COL6A3: variants seen among roughly 807,000 people sequenced by gnomAD.
COL6A3 encodes collagen alpha-3(VI) chain.
COL6A3 carries 137 observed loss-of-function variants against 274.1 expected under a neutral mutation model. The ratio of observed to expected loss-of-function variants is 0.50; its 90% CI spans 0.44 to 0.58. COL6A3 has a LOEUF of 0.58. COL6A3 is among the 20% of genes least tolerant of loss of function. The pLI is 0.00. For missense variants in COL6A3, 3,950 were observed against 4,124.9 expected (o/e 0.96, Z 1.16); for synonymous variants, 1,650 against 1,650.6 (o/e 1.00, Z 0.01).
Position 237,371,752 on chromosome 2 carries a change from C to A in COL6A3, c.4265G>T (p.Ser1422Ile). ...CTCACCTGGAGGTGGATAGCGAGTG[C>A]TGGCTAAGAGCTTCTGGATCTGCTC... The part of the protein sequence containing the change: ...TSEQIQKLLA[S>I]TRYPPPAVES... The change falls in exon 9 of 44, where the codon AGC becomes ATC. Residue 1422 changes from serine to isoleucine, a missense_variant. This residue lies in a region of COL6A3 where 1,934 missense variants were observed against 1,984.3 expected (regional missense o/e 0.97). Coordinates refer to ENST00000295550, the MANE Select transcript of COL6A3 (RefSeq NM_004369.4). This position sits in a 1 kb window ranked among gnomAD's most constrained non-coding sequence, Gnocchi z 4.3. 6.2e-7 allele frequency: 1 copy of A among 1,602,786 alleles called. No individual in the cohort carries two copies.
intron 1 of COL6A3, among the ~76,000 whole-genome samples, chr2:237,405,068 G>A (rs1160693054): frequency 6.6e-6 from 1 of 152,132 alleles, no homozygotes; most frequent in Non-Finnish European, 1.5e-5. Flanking sequence ...GAGGAGGGGA[G>A]GGAAGAGAAG....
chr2:237,329,456 TC>T (rs1700113351), intron 42 of COL6A3: 1 of 152,188 alleles, frequency 6.6e-6, no homozygotes, highest in Non-Finnish European at 1.5e-5. Context: ...TAAAAAACAC[TC>T]CTTTGGGCTC....
chr2:237,359,135 A>G (rs1486241871), intron 19 of COL6A3, 47 bp from the exon 20 acceptor site: 1 of 1,613,704 alleles, frequency 6.2e-7, no homozygotes, highest in Non-Finnish European at 8.5e-7. Context: ...AATTTCTATC[A>G]CAGACTGAGT....
At chr2:237,346,968 T>A (rs2077109629) in intron 31 of COL6A3, among the ~76,000 whole-genome samples, 2 of 151,724 alleles carry the variant, frequency 1.3e-5, no homozygotes, top group South Asian at 4.2e-4. Context: ...TTTGACTGTC[T>A]TCACTGATCA....
rs2106364033 is a variant in COL6A3 at position 237,376,824 on chromosome 2, A to T, written c.3018T>A (p.His1006Gln). The T allele has an allele frequency of 6.2e-7, 1 of 1,613,904 alleles. No individual in the cohort carries two copies. Among genetic ancestry groups the T allele is most frequent in the Non-Finnish European group, 8.5e-7 (1 of 1,179,820 alleles). ...AESLPKIGDL[H>Q]PQIVNLLKSV... ...ATTTTAAGAGATTCACTATCTGTGG[A>T]TGAAGATCTCCAATCTTGGGAAGCG... The change falls in exon 7 of 44, where the codon CAT (histidine) becomes CAA (glutamine). Residue 1006 changes from histidine to glutamine, a missense_variant. Transcript: ENST00000295550.
At chr2:237,353,882 C>T (rs533963971) in intron 24 of COL6A3, among the ~76,000 whole-genome samples, 1 of 152,172 alleles carries the variant, frequency 6.6e-6, no homozygotes, top group East Asian at 1.9e-4. Context: ...CCAGAACAGC[C>T]CAAGGAGGAT....
Position 237,345,162 on chromosome 2 carries a change from C to T in COL6A3, c.7125+19G>A. ...AGGCTCATGAGGTTAATGAGTCATT[C>T]TGGACACATGCAACTTACATCGATG... On this transcript the variant is annotated intron_variant, in intron 33 of 43. Coordinates refer to ENST00000295550, the MANE Select transcript of COL6A3 (RefSeq NM_004369.4). 6.2e-7 allele frequency: 1 copy of T among 1,614,174 alleles called. No homozygotes were observed. Among genetic ancestry groups the T allele is most frequent in the Non-Finnish European group, 8.5e-7 (1 of 1,180,020 alleles).
At chr2:237,367,376 A>T in intron 10 of COL6A3, 90 bp from the exon 11 acceptor site, 1 of 1,434,408 alleles carries the variant, frequency 7.0e-7, no homozygotes. Flanking sequence ...TAACTGAAAT[A>T]AGACATTCCT....
At chr2:237,329,268 TGGTCTC>T (rs780616435) in intron 42 of COL6A3, 1 of 152,186 alleles carries the variant, frequency 6.6e-6, no homozygotes, top group Non-Finnish European at 1.5e-5. Context: ...TTGGCCAGGC[TGGTCTC>T]GAACTCCTGA....
intron 1 of COL6A3, among the ~76,000 whole-genome samples, chr2:237,399,509 C>A (rs1157860760): frequency 6.6e-6 from 1 of 152,204 alleles, no homozygotes; most frequent in Non-Finnish European, 1.5e-5. Flanking sequence ...TTTCATGGAA[C>A]ACCCATTCCA....
At position 237,374,699 on chromosome 2, in the gene COL6A3, CCTT is replaced by C; in HGVS notation, c.3389_3391del (p.Glu1130del). 6.2e-7 allele frequency: 1 copy of C among 1,613,698 alleles called. No homozygotes were observed. The highest frequency in any genetic ancestry group is 1.1e-5 in the South Asian group (1 of 91,078). On this transcript the variant is annotated inframe_deletion, in exon 8 of 44. Transcript: ENST00000295550. The surrounding 1 kb of genome is among the most constrained non-coding windows in gnomAD (Gnocchi z 4.8). ...GAGGACGATCAGCAGCTGGGGCACACCTTCTGTTATCCTGCTTCCCGCAGAGCT... is the reference window on the plus strand; with the variant it reads ...GAGGACGATCAGCAGCTGGGGCACACCTGTTATCCTGCTTCCCGCAGAGCT...
At chr2:237,397,859 T>C (rs1210166403) in intron 1 of COL6A3, among the ~76,000 whole-genome samples, 2 of 152,226 alleles carry the variant, frequency 1.3e-5, no homozygotes, top group African/African-American at 4.8e-5. Context: ...TGGCCACAGC[T>C]AAAAAGCTAT....
chr2:237,340,988 G>T lies in COL6A3; in HGVS notation c.7928C>A (p.Ala2643Glu), dbSNP rs111595697. 1 of 1,614,164 alleles carries T rather than the reference G, an allele frequency of 6.2e-7. No homozygotes were observed. The highest frequency in any genetic ancestry group is 1.3e-5 in the African/African-American group (1 of 75,040). The change falls in exon 38 of 44, where the codon GCG (alanine) becomes GAG (glutamate). Residue 2643 changes from alanine to glutamate, a missense_variant. Physicochemically the swap from Ala to Glu is moderately radical, Grantham distance 107. Coordinates refer to ENST00000295550, the MANE Select transcript of COL6A3 (RefSeq NM_004369.4). ...CATGTCCAGTTGTCTGACCAGGTAC[G>T]CTATGTACTTCTTCATCTCATTGAA... is the stretch of plus-strand genomic sequence containing the variant. ...FQFNEMKKYI[A>E]YLVRQLDMSP... is the part of the protein sequence containing the mutation.
At chr2:237,335,362 A>C (rs904671185) in intron 40 of COL6A3, among the ~76,000 whole-genome samples, 1 of 152,228 alleles carries the variant, frequency 6.6e-6, no homozygotes, top group Non-Finnish European at 1.5e-5. Context: ...GACATTCGGT[A>C]GTGTCTTCCA....
rs35490728 is a variant in COL6A3 at position 237,332,117 on chromosome 2, A to ATATATATATATATATATATATG, written c.9328+1332_9328+1333insCATATATATATATATATATATA. Among the ~76,000 whole-genome samples the ATATATATATATATATATATATG allele has an allele frequency of 3.7e-4, 24 of 64,202 alleles. 3 individuals are homozygous for ATATATATATATATATATATATG. Among genetic ancestry groups the ATATATATATATATATATATATG allele is most frequent in the Non-Finnish European group, 6.1e-4 (19 of 31,026 alleles). The allele number at this position is 64,202 out of a possible 152,430, so 42.1% of individuals were successfully genotyped here. A position where few individuals can be genotyped will look rare whatever the true frequency, so the allele number is the denominator to read the frequency against. ...TATATATATATATATATATATATAT[A>ATATATATATATATATATATATG]TGAAAAGAAAAACAAAACAGCCCAG... is the stretch of plus-strand genomic sequence containing the variant. On this transcript the variant is annotated intron_variant, in intron 42 of 43. Coordinates refer to ENST00000295550, the MANE Select transcript of COL6A3 (RefSeq NM_004369.4).
At chr2:237,404,352 A>G (rs1359594766) in intron 1 of COL6A3, among the ~76,000 whole-genome samples, 1 of 152,138 alleles carries the variant, frequency 6.6e-6, no homozygotes, top group African/African-American at 2.4e-5. Context: ...TCACCCCCCA[A>G]AAGTTTAAGC....
At chr2:237,360,465 GGAA>G (rs1482691612) in intron 16 of COL6A3, among the ~76,000 whole-genome samples, 4 of 152,084 alleles carry the variant, frequency 2.6e-5, no homozygotes, top group African/African-American at 9.7e-5. Flanking sequence ...CTGAATCCCG[GGAA>G]GACCCACCGG....
At chr2:237,362,436 G>A (rs2077458133) in intron 14 of COL6A3, among the ~76,000 whole-genome samples, 1 of 152,128 alleles carries the variant, frequency 6.6e-6, no homozygotes, top group South Asian at 2.1e-4. Flanking sequence ...TGTGGGAAAG[G>A]GCATGCCCAA....
intron 4 of COL6A3, among the ~76,000 whole-genome samples, chr2:237,384,420 C>T (rs967993792): frequency 5.9e-5 from 9 of 152,112 alleles, no homozygotes; most frequent in African/African-American, 2.2e-4. Flanking sequence ...AGCCCTCCTC[C>T]CACGCCTCTC....
Sources: allele counts gnomAD v4.1 joint callset (sites outside exome capture counted in the v4.1 genomes callset), GRCh38; gene constraint gnomAD v4.1.1; regional missense constraint gnomAD v4.1.1; non-coding constraint Gnocchi (gnomAD v3.1); transcripts MANE v1.5; gene names NCBI Gene and HGNC (gene_info 2026-07-23, HGNC 2026-07-21).